Variants in LRRC42 observed in about 807,000 individuals in gnomAD.
The protein encoded by LRRC42 is leucine rich repeat containing 42.
LRRC42 carries 43 observed loss-of-function variants against 44.3 expected under a neutral mutation model. That is an observed-to-expected ratio of 0.97 (90% CI 0.76 to 1.25). LRRC42 has a LOEUF of 1.25. Ranked by LOEUF, LRRC42 falls within the 50% of genes most tolerant of loss-of-function variation. LRRC42 has a pLI of 0.00. For missense variants in LRRC42, 540 were observed against 509.1 expected (o/e 1.06, Z -0.58); for synonymous variants, 207 against 195.2 (o/e 1.06, Z -0.50).
At chr1:53,958,305 A>G in intron 4 of LRRC42, 25 bp downstream of exon 4, 1 of 1,612,052 alleles carries the variant, frequency 6.2e-7, no homozygotes, top group Non-Finnish European at 8.5e-7. Flanking sequence ...CCACTTGCAG[A>G]TGAATTGTTT....
chr1:53,959,699 T>C (rs1002110577), intron 4 of LRRC42, among the ~76,000 whole-genome samples: 1 of 152,248 alleles, frequency 6.6e-6, no homozygotes, highest in Admixed American at 6.5e-5. Flanking sequence ...ATAATTCTCA[T>C]AGGAGTTCTT....
chr1:53,949,498 C>CA (rs1313993255), intron 2 of LRRC42, among the ~76,000 whole-genome samples: 111 of 152,296 alleles, frequency 7.3e-4, no homozygotes, highest in East Asian at 3.9e-4. Context: ...TTCTGATCTA[C>CA]AAGTAGAGTG....
rs1654514781 is a variant in LRRC42 at position 53,947,150 on chromosome 1, G to T, written c.-49+601G>T. The stretch of plus-strand genomic sequence containing the variant: ...GGGAAGGAAGGGGAGGCAGGTGAAG[G>T]TTGGGAGATCGGAGGTTGGAAGGTT... On this transcript the variant is annotated intron_variant, in intron 1 of 8. Transcript: ENST00000371370. Among the ~76,000 whole-genome samples the T allele has an allele frequency of 2.0e-5, 3 of 152,050 alleles. No individual in the cohort carries two copies. The South Asian group carries it at 6.2e-4, about 32-fold the overall frequency.
Position 53,967,411 on chromosome 1 carries a change from G to T in LRRC42, c.1013-254G>T, listed in dbSNP as rs112180506. Among the ~76,000 whole-genome samples the T allele has an allele frequency of 1.0e-2, 1,522 of 152,262 alleles. 28 individuals carry two copies. Among genetic ancestry groups the T allele is most frequent in the African/African-American group, 0.034 (1,429 of 41,540 alleles). The stretch of plus-strand genomic sequence containing the variant: ...GGTGATTAAACAGAATCTCAGACAA[G>T]TCACTTACCCACGGTCACTTCTAGG... On this transcript the variant is annotated intron_variant, in intron 8 of 8. Transcript: ENST00000371370.
rs1051910143 is a variant in LRRC42, at chr1:53,950,281, A to G, written c.-14-1705A>G. Among the ~76,000 whole-genome samples, 24 of 152,246 alleles carry G rather than the reference A, an allele frequency of 1.6e-4. 1 individual carries two copies. Among genetic ancestry groups the G allele is most frequent in the African/African-American group, 5.1e-4 (21 of 41,462 alleles). ...CAGAACGAGCAATGGCCAGTGGGAC[A>G]TGAGAGCATGGCCAGTTTACCTGGG... On this transcript the variant is annotated intron_variant, in intron 2 of 8. Coordinates refer to ENST00000371370, the MANE Select transcript of LRRC42 (RefSeq NM_001256409.2).
intron 3 of LRRC42, among the ~76,000 whole-genome samples, chr1:53,955,730 G>T (rs947491511): frequency 1.3e-5 from 2 of 149,006 alleles, no homozygotes; most frequent in African/African-American, 5.0e-5. Flanking sequence ...CCGGGTTCAC[G>T]CAATTCTCCT....
At chr1:53,954,728 C>G (rs1654784606) in intron 3 of LRRC42, among the ~76,000 whole-genome samples, 2 of 152,150 alleles carry the variant, frequency 1.3e-5, no homozygotes, top group Non-Finnish European at 2.9e-5. Context: ...TTTGCGATGT[C>G]TGGATACTGT....
At chr1:53,962,164 A>G in intron 6 of LRRC42, 42 bp downstream of exon 6, 1 of 1,549,296 alleles carries the variant, frequency 6.5e-7, no homozygotes, top group Non-Finnish European at 8.9e-7. Context: ...TAGACTCAAC[A>G]ATTTGATATT....
chr1:53,946,963 A>G (rs989204366), intron 1 of LRRC42, among the ~76,000 whole-genome samples: 2 of 151,524 alleles, frequency 1.3e-5, no homozygotes, highest in Non-Finnish European at 2.9e-5. Context: ...TGGAATGCCA[A>G]GTTGGGGATA....
At chr1:53,949,302 A>T (rs1654607080) in intron 2 of LRRC42, among the ~76,000 whole-genome samples, 1 of 152,128 alleles carries the variant, frequency 6.6e-6, no homozygotes, top group Non-Finnish European at 1.5e-5. Context: ...TCCATTTTAC[A>T]ACAGTGTTTG....
In LRRC42 at chr1:53,946,563, G is replaced by GCGGGC. The variant is rs1654465343; in HGVS notation, c.-49+22_-49+26dup. On this transcript the variant is annotated intron_variant, in intron 1 of 8. Coordinates refer to ENST00000371370, the MANE Select transcript of LRRC42 (RefSeq NM_001256409.2). ...GCAGGGGCACAGGTAGGTGGCGGCC[G>GCGGGC]CGGGCCGGGCCGCTCGCGGGGCCCC... 1 of 151,828 alleles carries GCGGGC rather than the reference G, an allele frequency of 6.6e-6. No homozygotes were observed. Among genetic ancestry groups the GCGGGC allele is most frequent in the African/African-American group, 2.4e-5 (1 of 41,370 alleles). 9.4% of individuals were successfully genotyped at this position (151,828 alleles called of 1,614,324 possible). A position where few individuals can be genotyped will look rare whatever the true frequency, so the allele number is the denominator to read the frequency against.
intron 3 of LRRC42, among the ~76,000 whole-genome samples, chr1:53,954,627 T>C (rs538570608): frequency 1.3e-5 from 2 of 152,374 alleles, no homozygotes; most frequent in South Asian, 4.1e-4. Flanking sequence ...CATTTGGGAA[T>C]ATATACTTTG....
chr1:53,961,451 AG>A (rs1160314664), intron 5 of LRRC42, among the ~76,000 whole-genome samples: 1 of 151,882 alleles, frequency 6.6e-6, no homozygotes, highest in Non-Finnish European at 1.5e-5. Flanking sequence ...CCTACCTCCC[AG>A]GGAAGTGTAT....
intron 7 of LRRC42, 36 bp downstream of exon 7, chr1:53,962,445 C>G (rs764965438): frequency 8.0e-7 from 1 of 1,255,060 alleles, no homozygotes; most frequent in Non-Finnish European, 1.2e-6. Flanking sequence ...GTTGATGCAG[C>G]TTTTCATCTT....
intron 8 of LRRC42, 44 bp from the exon 9 acceptor site, chr1:53,967,621 A>G (rs1281452832): frequency 3.2e-6 from 5 of 1,577,004 alleles, no homozygotes; most frequent in Admixed American, 1.7e-5. Context: ...GGGAATTAGC[A>G]TATGCCAGTG....
At chr1:53,951,432 G>GT (rs896515149) in intron 2 of LRRC42, among the ~76,000 whole-genome samples, 156 of 151,076 alleles carry the variant, frequency 1.0e-3, no homozygotes, top group African/African-American at 3.3e-3. Context: ...GTTTCTGTTT[G>GT]TTTTTTTTTG....
At chr1:53,952,609 C>A in intron 3 of LRRC42, 137 bp downstream of exon 3, 2 of 643,996 alleles carry the variant, frequency 3.1e-6, no homozygotes, top group African/African-American at 1.8e-5. Flanking sequence ...AGTAAAAGAC[C>A]ATATTGAAAA....
intron 7 of LRRC42, among the ~76,000 whole-genome samples, chr1:53,965,008 G>GT (rs548333281): frequency 3.6e-3 from 402 of 112,736 alleles, no homozygotes; most frequent in Non-Finnish European, 4.5e-3. Flanking sequence ...GTTTTTTTTT[G>GT]TTTTTTTTTT....
At chr1:53,950,711 T>C (rs1282342986) in intron 2 of LRRC42, among the ~76,000 whole-genome samples, 1 of 152,260 alleles carries the variant, frequency 6.6e-6, no homozygotes, top group Non-Finnish European at 1.5e-5. Flanking sequence ...CAATTTTTCA[T>C]GTATTTTGAA....
Sources: gnomAD v4.1 joint callset for allele counts (sites outside exome capture counted in the v4.1 genomes callset) on GRCh38, gnomAD v4.1.1 for gene constraint, MANE v1.5 for transcripts, NCBI Gene and HGNC (gene_info 2026-07-23, HGNC 2026-07-21) for gene names.